KCNIP4: variants seen among roughly 807,000 people sequenced by gnomAD.
KCNIP4 encodes Kv channel-interacting protein 4.
A neutral mutation model predicts 34.0 loss-of-function variants in KCNIP4; 12 were observed. The observed-to-expected ratio is 0.35, with a 90% CI of 0.23 to 0.57. KCNIP4 has a LOEUF of 0.57. Ranked by LOEUF, KCNIP4 falls within the 20% of genes least tolerant of loss-of-function variation. The pLI, the probability that KCNIP4 is intolerant of heterozygous loss-of-function variation, is 0.83. For missense variants in KCNIP4, 238 were observed against 311.7 expected (o/e 0.76, Z 1.78); for synonymous variants, 124 against 102.2 (o/e 1.21, Z -1.29).
chr4:21,245,512 T>C (rs1170275813), intron 1 of KCNIP4, among the ~76,000 whole-genome samples: 3 of 152,190 alleles, frequency 2.0e-5, no homozygotes, highest in Non-Finnish European at 4.4e-5. Flanking sequence ...GTGACTGTCA[T>C]ATAATAGGTG....
chr4:21,303,948 C>A, intron 1 of KCNIP4: 1 of 1,595,652 alleles, frequency 6.3e-7, no homozygotes, highest in Middle Eastern at 1.7e-4. Context: ...CTGAGAAGTG[C>A]TCCTCTGCCT....
intron 1 of KCNIP4, among the ~76,000 whole-genome samples, chr4:21,857,671 A>T (rs563008388): frequency 6.6e-6 from 1 of 152,304 alleles, no homozygotes; most frequent in East Asian, 1.9e-4. Flanking sequence ...ATAACTCAAT[A>T]AAGCTCCTCT....
At chr4:21,785,155 T>C (rs1218715084) in intron 1 of KCNIP4, among the ~76,000 whole-genome samples, 2 of 152,178 alleles carry the variant, frequency 1.3e-5, no homozygotes, top group African/African-American at 4.8e-5. Context: ...CCCGAAATTA[T>C]TTTTGTAGTA....
chr4:20,803,470 C>CAAAAAAAAAAAAAAAAAAA (rs551176038), intron 3 of KCNIP4, among the ~76,000 whole-genome samples: 1 of 85,902 alleles, frequency 1.2e-5, no homozygotes, highest in African/African-American at 5.2e-5. Context: ...TCATCTTTAC[C>CAAAAAAAAAAAAAAAAAAA]AAAAAAAAAA....
At chr4:21,229,720 G>A (rs1189577305) in intron 1 of KCNIP4, among the ~76,000 whole-genome samples, 2 of 152,072 alleles carry the variant, frequency 1.3e-5, no homozygotes, top group Non-Finnish European at 2.9e-5. Flanking sequence ...GGCATCATTG[G>A]AGGCGAGAGT....
chr4:21,526,578 TTA>T (rs1050308520), intron 1 of KCNIP4, among the ~76,000 whole-genome samples: 2 of 151,692 alleles, frequency 1.3e-5, no homozygotes, highest in African/African-American at 4.8e-5. Context: ...ATATATAGAT[TTA>T]TATATATATA....
intron 1 of KCNIP4, among the ~76,000 whole-genome samples, chr4:21,134,333 A>G (rs1751331581): frequency 6.6e-6 from 1 of 152,192 alleles, no homozygotes; most frequent in South Asian, 2.1e-4. Flanking sequence ...AATCTTTTTA[A>G]TAACATTTCC....
At chr4:21,656,538 A>G (rs2108981181) in intron 1 of KCNIP4, 2 of 152,310 alleles carry the variant, frequency 1.3e-5, no homozygotes, top group Middle Eastern at 6.8e-3. Flanking sequence ...TGAACTGTAG[A>G]TTTTTGAAAG....
intron 1 of KCNIP4, among the ~76,000 whole-genome samples, chr4:21,071,953 C>A (rs547341580): frequency 6.6e-6 from 1 of 151,542 alleles, no homozygotes; most frequent in South Asian, 2.1e-4. Flanking sequence ...TCATCCATGT[C>A]CCTACAAAGG....
At chr4:20,831,296 G>A (rs1450706537) in intron 3 of KCNIP4, among the ~76,000 whole-genome samples, 3 of 152,128 alleles carry the variant, frequency 2.0e-5, no homozygotes, top group African/African-American at 7.2e-5. Context: ...GGTCCAGGGA[G>A]GCTTTTCAAG....
At position 21,626,986 on chromosome 4, in the gene KCNIP4, G is replaced by A. The variant is rs16871617; in HGVS notation, c.61+321585C>T. 5.4e-3 allele frequency among the ~76,000 whole-genome samples: 822 copies of A among 152,050 alleles called. 5 individuals carry two copies. The highest frequency in any genetic ancestry group is 0.019 in the African/African-American group (785 of 41,494). On this transcript the variant is annotated intron_variant, in intron 1 of 8. Coordinates refer to ENST00000382152, the MANE Select transcript of KCNIP4 (RefSeq NM_025221.6). The stretch of plus-strand genomic sequence containing the variant: ...AATGGATTTAGATATATAAAGTCCC[G>A]GCCTAGTCACTTTTAGTCCTTTTTC...
intron 1 of KCNIP4, among the ~76,000 whole-genome samples, chr4:21,743,799 T>C (rs936173531): frequency 6.7e-6 from 1 of 149,788 alleles, no homozygotes; most frequent in African/African-American, 2.5e-5. Context: ...GGTTATTTTC[T>C]GCAAATTACA....
At chr4:21,644,433 A>G (rs1356072931) in intron 1 of KCNIP4, among the ~76,000 whole-genome samples, 5 of 152,226 alleles carry the variant, frequency 3.3e-5, no homozygotes, top group Non-Finnish European at 7.3e-5. Flanking sequence ...CTTGAGGGGC[A>G]TAGATCCAAA....
chr4:20,833,948 A>G (rs1405555017), intron 3 of KCNIP4, among the ~76,000 whole-genome samples: 2 of 152,198 alleles, frequency 1.3e-5, no homozygotes, highest in Non-Finnish European at 2.9e-5. Context: ...AAATCCACAG[A>G]AGCACCCCTA....
At chr4:21,378,268 C>T (rs950223009) in intron 1 of KCNIP4, among the ~76,000 whole-genome samples, 1 of 152,092 alleles carries the variant, frequency 6.6e-6, no homozygotes, top group Non-Finnish European at 1.5e-5. Context: ...TATTTCACTG[C>T]CTCTTTAACA....
intron 1 of KCNIP4, among the ~76,000 whole-genome samples, chr4:21,212,670 A>G (rs1757304480): frequency 6.6e-6 from 1 of 152,116 alleles, no homozygotes; most frequent in Admixed American, 6.6e-5. Flanking sequence ...TCCTCACCAG[A>G]CACCTTCTTG....
intron 1 of KCNIP4, among the ~76,000 whole-genome samples, chr4:21,190,567 G>C (rs200809673): frequency 1.3e-5 from 2 of 152,088 alleles, no homozygotes; most frequent in East Asian, 3.9e-4. Context: ...ATCAGGTGCT[G>C]GAGATTCAGT....
chr4:21,736,323 G>A (rs1158068668), intron 1 of KCNIP4, among the ~76,000 whole-genome samples: 3 of 152,024 alleles, frequency 2.0e-5, no homozygotes, highest in Non-Finnish European at 4.4e-5. Context: ...CCTTCCTATG[G>A]CTAGTCTCAG....
At chr4:20,862,869 C>T (rs1441397302) in intron 2 of KCNIP4, among the ~76,000 whole-genome samples, 1 of 152,162 alleles carries the variant, frequency 6.6e-6, no homozygotes, top group African/African-American at 2.4e-5. Context: ...AATCCAGGAA[C>T]AGACAACCAA....
Sources: gnomAD v4.1 joint callset for allele counts (sites outside exome capture counted in the v4.1 genomes callset) on GRCh38, gnomAD v4.1.1 for gene constraint, MANE v1.5 for transcripts, NCBI Gene and HGNC (gene_info 2026-07-23, HGNC 2026-07-21) for gene names.